The following SLC25A35 variants were observed in gnomAD, a reference collection of about 807,000 sequenced individuals.
SLC25A35 encodes the protein solute carrier family 25 member 35.
Under a neutral mutation model 30.5 loss-of-function variants are expected in SLC25A35, and 32 were observed. The ratio of observed to expected loss-of-function variants is 1.05; its 90% CI spans 0.79 to 1.41. The LOEUF is 1.41. Among genes scored for constraint, SLC25A35 ranks in the 40% most tolerant of loss-of-function variants. SLC25A35 has a pLI of 0.00. For synonymous variants in SLC25A35, 142 were observed against 158.1 expected, an observed-to-expected ratio of 0.90 and a Z score of 0.77; for missense variants, 369 against 388.0, an observed-to-expected ratio of 0.95 and a Z score of 0.41.
At chr17:8,288,049 C>G (rs1990203669), downstream of SLC25A35, 1 of 152,744 alleles carries the variant, frequency 6.5e-6, no homozygotes, top group Non-Finnish European at 1.5e-5. Flanking sequence ...TTTCCTGACT[C>G]AAGAGACCCT....
chr17:8,289,509 A>T (rs1470351437), downstream of SLC25A35: 2 of 1,614,152 alleles, frequency 1.2e-6, no homozygotes, highest in Admixed American at 3.3e-5. Context: ...TTAGGTAGCA[A>T]AGGACGTGAC....
At chr17:8,289,737 T>A (rs1479287179), downstream of SLC25A35, 57 of 1,613,840 alleles carry the variant, frequency 3.5e-5, no homozygotes, top group Non-Finnish European at 1.4e-5. Context: ...CCAGGTCCTC[T>A]GGGGAACAGG....
intron 1 of SLC25A35, 124 bp from the exon 2 acceptor site, chr17:8,292,712 A>G: frequency 1.2e-6 from 1 of 811,280 alleles, no homozygotes; most frequent in Non-Finnish European, 2.1e-6. Context: ...TACTCTGATT[A>G]TTGTTCTTCC....
chr17:8,289,904 C>T (rs1462929880), downstream of SLC25A35: 5 of 1,614,052 alleles, frequency 3.1e-6, no homozygotes. Flanking sequence ...CAGTCTGACC[C>T]TTCACGATCC....
intron 3 of SLC25A35, among the ~76,000 whole-genome samples, 163 bp from the exon 4 acceptor site, chr17:8,291,139 C>T (rs1357475185): frequency 6.6e-6 from 1 of 152,118 alleles, no homozygotes; most frequent in Non-Finnish European, 1.5e-5. Flanking sequence ...GCCAGGGTAC[C>T]CTGAAGGCTC....
At chr17:8,289,036 A>T (rs762555619), downstream of SLC25A35, 3 of 1,613,972 alleles carry the variant, frequency 1.9e-6, no homozygotes, top group Non-Finnish European at 1.7e-6. Flanking sequence ...GAACTTCTCG[A>T]GCTGCAGGCC....
chr17:8,289,171 C>G (rs1307337716), downstream of SLC25A35: 5 of 1,600,932 alleles, frequency 3.1e-6, no homozygotes, highest in South Asian at 4.4e-5. Context: ...AGACCACGCA[C>G]GGGCCGGGAG....
intron 1 of SLC25A35, among the ~76,000 whole-genome samples, chr17:8,293,017 C>T (rs1361684367): frequency 6.6e-6 from 1 of 152,228 alleles, no homozygotes; most frequent in Non-Finnish European, 1.5e-5. Context: ...GCCCCCAACC[C>T]CCACAGAGGT....
intron 4 of SLC25A35, 41 bp downstream of exon 4, chr17:8,290,801 C>T (rs1352924150): frequency 6.2e-7 from 1 of 1,607,662 alleles, no homozygotes; most frequent in Non-Finnish European, 8.5e-7. Context: ...CTGCCTTCCC[C>T]ATCCCCTGCT....
downstream of SLC25A35, chr17:8,289,403 G>A: frequency 6.2e-7 from 1 of 1,614,092 alleles, no homozygotes; most frequent in South Asian, 1.1e-5. Flanking sequence ...GATAGCTAAG[G>A]AAAACCAGCA....
downstream of SLC25A35, chr17:8,289,279 TG>T (rs778774258): frequency 2.5e-6 from 4 of 1,613,720 alleles, no homozygotes; most frequent in Admixed American, 1.7e-5. Flanking sequence ...AGGATGTTGG[TG>T]GCGTGCAGGG....
chr17:8,290,847 C>T lies in SLC25A35; in HGVS notation c.724G>A (p.Gly242Ser), dbSNP rs1990436662. 6.2e-7 allele frequency: 1 copy of T among 1,613,920 alleles called. No individual in the cohort carries two copies. Among genetic ancestry groups the T allele is most frequent in the Non-Finnish European group, 8.5e-7 (1 of 1,179,854 alleles). The change falls in exon 4 of 5, where the codon GGC (glycine) becomes AGC (serine). Residue 242 changes from glycine to serine, a missense_variant. Transcript: ENST00000577745. ...ATCCCAGAGCACTTCCTTACCTTGC[C>T]CTGTGCATCTGTGGGCTGGTTGTAG... is the stretch of plus-strand genomic sequence containing the variant. ...RLYNQPTDAQ[G>S]KGLMYRGILD...
rs758289654 is a variant in SLC25A35 at position 8,294,466 on chromosome 17, G to A, written c.342C>T (p.Val114=). The A allele has an allele frequency of 4.4e-6, 7 of 1,601,852 alleles. No homozygotes were observed. The highest frequency in any genetic ancestry group is 6.0e-6 in the Non-Finnish European group (7 of 1,174,064). The change falls in exon 1 of 5, where the codon GTC becomes GTT. Residue 114 remains valine (V), a synonymous_variant. Transcript: ENST00000577745. The part of the protein sequence containing the change: ...RSAAAGAMAG[V]MGAYLGSPIY... ...TGGGGCTCCCCAAGTAGGCTCCCAT[G>A]ACCCCAGCCATGGCCCCAGCTGCTG... is the stretch of plus-strand genomic sequence containing the variant.
At position 8,291,352 on chromosome 17, in the gene SLC25A35, T is replaced by A. The variant is rs1990484530; in HGVS notation, c.575A>T (p.Asp192Val). 1 of 1,612,888 alleles carries A rather than the reference T, an allele frequency of 6.2e-7. No individual in the cohort carries two copies. Among genetic ancestry groups the A allele is most frequent in the Non-Finnish European group, 8.5e-7 (1 of 1,179,760 alleles). Residue 192 changes from aspartate to valine, a missense_variant, in exon 3 of 5, where the codon GAC (aspartate) becomes GTC (valine). Asp to Val is a radical substitution (Grantham distance 152, BLOSUM62 -3). Transcript: ENST00000577745. ...CAGTACCTCCCACTGGCTCAGGAGG[T>A]CCTTGGTGGATGAGAAGGTGCACAG... ...TQLCTFSSTK[D>V]LLSQWEIFPP...
At chr17:8,291,511 G>GGGGGTGGT (rs1393007926) in intron 2 of SLC25A35, 26 bp from the exon 3 acceptor site, 1 of 1,588,812 alleles carries the variant, frequency 6.3e-7, no homozygotes, top group South Asian at 1.1e-5. Context: ...CCGGGGGTGG[G>GGGGGTGGT]GTTCAGACAG....
downstream of SLC25A35, chr17:8,289,195 T>C (rs1990281956): frequency 1.9e-6 from 3 of 1,605,364 alleles, no homozygotes; most frequent in Non-Finnish European, 2.6e-6. Flanking sequence ...GGCCTGCAAC[T>C]TAAAGATGCT....
chr17:8,294,665 T>A lies in SLC25A35; in HGVS notation c.143A>T (p.His48Leu), dbSNP rs572169167. The change falls in exon 1 of 5, where the codon CAT (histidine) becomes CTT (leucine). Residue 48 changes from histidine (H) to leucine (L), a missense_variant. His to Leu is a moderately conservative substitution (Grantham distance 99). Coordinates refer to ENST00000577745, the MANE Select transcript of SLC25A35 (RefSeq NM_001320870.2). ...CACCTTGCCGATGGTGATGAAGGCA[T>A]GGAAGACATTTCGGTAGTGCCGCTG... The part of the protein sequence containing the change: ...TYQRHYRNVF[H>L]AFITIGKVDG... 1.2e-5 allele frequency: 20 copies of A among 1,614,034 alleles called. No individual in the cohort carries two copies. Among genetic ancestry groups the A allele is most frequent in the Non-Finnish European group, 1.6e-5 (19 of 1,180,042 alleles).
downstream of SLC25A35, chr17:8,289,164 C>G: frequency 6.2e-7 from 1 of 1,600,202 alleles, no homozygotes; most frequent in African/African-American, 1.3e-5. Context: ...GGCGGTGAGA[C>G]CACGCACGGG....
downstream of SLC25A35, chr17:8,289,034 C>G (rs1364298188): frequency 1.9e-6 from 3 of 1,613,906 alleles, no homozygotes; most frequent in Non-Finnish European, 1.7e-6. Flanking sequence ...TGGAACTTCT[C>G]GAGCTGCAGG....
Sources: allele counts gnomAD v4.1 joint callset (sites outside exome capture counted in the v4.1 genomes callset), GRCh38; gene constraint gnomAD v4.1.1; transcripts MANE v1.5; gene names NCBI Gene and HGNC (gene_info 2026-07-23, HGNC 2026-07-21).